Variants in PPP2R5C observed in about 807,000 individuals in gnomAD.
PPP2R5C encodes the protein protein phosphatase 2 regulatory subunit B'gamma.
In PPP2R5C, 7 loss-of-function variants were observed where a neutral mutation model predicts 68.9. That is an observed-to-expected ratio of 0.10 (90% confidence interval 0.06 to 0.19). PPP2R5C has a LOEUF of 0.19. PPP2R5C is among the 10% of genes least tolerant of loss of function. The probability of loss-of-function intolerance (pLI) is 1.00; values close to 1 mark genes in which losing one functional copy is unlikely to be tolerated. For synonymous variants in PPP2R5C, 210 were observed against 222.2 expected, an observed-to-expected ratio of 0.95 and a Z score of 0.49; for missense variants, 348 against 641.3, an observed-to-expected ratio of 0.54 and a Z score of 4.94.
intron 2 of PPP2R5C, among the ~76,000 whole-genome samples, chr14:101,881,145 T>C (rs564539802): frequency 6.6e-6 from 1 of 152,172 alleles, no homozygotes; most frequent in East Asian, 1.9e-4. Context: ...TCCCAGCACT[T>C]TGGGAGGCTG....
intron 1 of PPP2R5C, chr14:101,820,437 G>A (rs573587994): frequency 4.6e-5 from 7 of 152,228 alleles, no homozygotes; most frequent in African/African-American, 1.2e-4. Flanking sequence ...ACAAACAAGC[G>A]TGGGTGAAGA....
At chr14:101,768,718 T>A (rs1190444132) in intron 2 of PPP2R5C, among the ~76,000 whole-genome samples, 1 of 152,130 alleles carries the variant, frequency 6.6e-6, no homozygotes, top group Non-Finnish European at 1.5e-5. Flanking sequence ...GTTTTGACCT[T>A]GTGGACCCCT....
At chr14:101,883,187 T>A in intron 3 of PPP2R5C, 70 bp from the exon 6 acceptor site, 1 of 1,099,992 alleles carries the variant, frequency 9.1e-7, no homozygotes, top group Non-Finnish European at 1.3e-6. Context: ...AAGATTCAAT[T>A]TCTGGTATAT....
At chr14:101,863,841 T>C (rs2042902462) in intron 2 of PPP2R5C, among the ~76,000 whole-genome samples, 1 of 152,038 alleles carries the variant, frequency 6.6e-6, no homozygotes, top group African/African-American at 2.4e-5. Flanking sequence ...GAGGTTGCAG[T>C]GAGCCAAGAT....
intron 2 of PPP2R5C, chr14:101,765,395 T>C (rs2036798393): frequency 3.2e-6 from 2 of 620,530 alleles, no homozygotes; most frequent in East Asian, 2.7e-5. Context: ...AGTCTTCAGC[T>C]CACTGCTTCA....
intron 1 of PPP2R5C, among the ~76,000 whole-genome samples, chr14:101,850,186 C>T (rs2042073701): frequency 1.3e-5 from 2 of 152,180 alleles, no homozygotes; most frequent in Admixed American, 6.5e-5. Flanking sequence ...CACTGCTCCT[C>T]TCAGCGTTGC....
At chr14:101,827,662 C>T (rs2040477780) in intron 1 of PPP2R5C, among the ~76,000 whole-genome samples, 1 of 152,170 alleles carries the variant, frequency 6.6e-6, no homozygotes, top group Non-Finnish European at 1.5e-5. Context: ...TGAACTTTTA[C>T]AGGATGAAAT....
chr14:101,800,434 AT>A (rs1277072822), intron 3 of PPP2R5C, among the ~76,000 whole-genome samples: 1 of 152,102 alleles, frequency 6.6e-6, no homozygotes, highest in African/African-American at 2.4e-5. Context: ...GTGATGGTGC[AT>A]GCCTGTAATC....
At chr14:101,883,708 C>A in intron 5 of PPP2R5C, 146 bp downstream of exon 7, 1 of 1,094,540 alleles carries the variant, frequency 9.1e-7, no homozygotes, top group Non-Finnish European at 1.3e-6. Context: ...CAGGTGGACC[C>A]CCTTGTGCAC....
chr14:101,893,448 C>G (rs1241614793), intron 7 of PPP2R5C, among the ~76,000 whole-genome samples: 1 of 152,042 alleles, frequency 6.6e-6, no homozygotes, highest in African/African-American at 2.4e-5. Context: ...GGTCCATGGC[C>G]AATGAATGGC....
At chr14:101,909,909 T>C (rs2046291842) in intron 11 of PPP2R5C, among the ~76,000 whole-genome samples, 1 of 152,244 alleles carries the variant, frequency 6.6e-6, no homozygotes, top group African/African-American at 2.4e-5. Flanking sequence ...GCCAGATTAA[T>C]CATCTTTGCA....
At chr14:101,799,903 C>T (rs2038786216) in intron 3 of PPP2R5C, among the ~76,000 whole-genome samples, 1 of 152,220 alleles carries the variant, frequency 6.6e-6, no homozygotes, top group African/African-American at 2.4e-5. Flanking sequence ...TAGCCTGTGC[C>T]TAAGAGACAG....
intron 1 of PPP2R5C, among the ~76,000 whole-genome samples, chr14:101,854,920 A>T (rs1028935276): frequency 6.6e-6 from 1 of 152,234 alleles, no homozygotes; most frequent in Non-Finnish European, 1.5e-5. Context: ...CTGTAATCCC[A>T]GCACTTTGGG....
chr14:101,898,341 C>T (rs1435718892), intron 8 of PPP2R5C, among the ~76,000 whole-genome samples: 1 of 152,170 alleles, frequency 6.6e-6, no homozygotes, highest in African/African-American at 2.4e-5. Context: ...CCACCTAAGC[C>T]ACTGTCCCAG....
chr14:101,893,095 T>A (rs12883471), exon 7 of PPP2R5C: 1 of 1,603,676 alleles, frequency 6.2e-7, no homozygotes, highest in East Asian at 2.2e-5. Flanking sequence ...TCTCTGAGTG[T>A]CTACCATCCC....
intron 1 of PPP2R5C, among the ~76,000 whole-genome samples, chr14:101,851,542 G>T (rs896232419): frequency 6.6e-6 from 1 of 152,134 alleles, no homozygotes; most frequent in African/African-American, 2.4e-5. Flanking sequence ...TGAATATTAC[G>T]TGAGTGACCA....
At chr14:101,795,512 CTT>C (rs904644009) in intron 3 of PPP2R5C, among the ~76,000 whole-genome samples, 1 of 147,570 alleles carries the variant, frequency 6.8e-6, no homozygotes, top group African/African-American at 2.5e-5. Context: ...ATAAAGAGAC[CTT>C]TTTTTTTTAA....
At chr14:101,867,981 C>T (rs1028366035) in intron 2 of PPP2R5C, among the ~76,000 whole-genome samples, 5 of 152,024 alleles carry the variant, frequency 3.3e-5, no homozygotes, top group African/African-American at 1.2e-4. Context: ...TTGGCCGGGT[C>T]CTGGGGGAGG....
At chr14:101,832,323 G>A (rs183783775) in intron 1 of PPP2R5C, among the ~76,000 whole-genome samples, 1 of 152,302 alleles carries the variant, frequency 6.6e-6, no homozygotes, top group East Asian at 1.9e-4. Flanking sequence ...ATTCAGAGTT[G>A]AGTATTATTT....
Sources: gnomAD v4.1 joint callset for allele counts (sites outside exome capture counted in the v4.1 genomes callset) on GRCh38, gnomAD v4.1.1 for gene constraint, MANE v1.5 for transcripts, NCBI Gene and HGNC (gene_info 2026-07-23, HGNC 2026-07-21) for gene names.